Variants in DCC observed in about 807,000 individuals in gnomAD.
The protein encoded by DCC is DCC netrin 1 receptor, also known as netrin receptor DCC.
In DCC, 58 loss-of-function variants were observed where a neutral mutation model predicts 172.5. The ratio of observed to expected loss-of-function variants is 0.34; its 90% CI spans 0.27 to 0.42. The LOEUF is 0.42. Ranked by LOEUF, DCC falls within the 10% of genes least tolerant of loss-of-function variation. The probability of loss-of-function intolerance (pLI) is 1.00; values close to 1 mark genes in which losing one functional copy is unlikely to be tolerated. For synonymous variants in DCC, 709 were observed against 644.5 expected (o/e 1.10, Z -1.52); for missense variants, 1,740 against 1,791.0 (o/e 0.97, Z 0.51).
intron 13 of DCC, among the ~76,000 whole-genome samples, chr18:53,320,749 T>G (rs981870351): frequency 6.6e-6 from 1 of 152,194 alleles, no homozygotes; most frequent in Non-Finnish European, 1.5e-5. Context: ...TATTGTTTTG[T>G]GTGTGCATCT....
chr18:52,423,512 G>A (rs1987321307), intron 1 of DCC, among the ~76,000 whole-genome samples: 1 of 151,506 alleles, frequency 6.6e-6, no homozygotes, highest in African/African-American at 2.4e-5. Flanking sequence ...GAACACAGAA[G>A]ATGAAGTGGC....
intron 7 of DCC, among the ~76,000 whole-genome samples, chr18:53,093,795 C>G (rs894217875): frequency 6.6e-6 from 1 of 152,108 alleles, no homozygotes; most frequent in South Asian, 2.1e-4. Context: ...AGCGCAGACA[C>G]TAAAGAGCTT....
At chr18:52,451,581 T>G (rs929426121) in intron 1 of DCC, among the ~76,000 whole-genome samples, 2 of 152,232 alleles carry the variant, frequency 1.3e-5, no homozygotes, top group Non-Finnish European at 2.9e-5. Context: ...GGACATAGTT[T>G]ATAATCCACT....
At chr18:52,769,075 C>T (rs1230702893) in intron 2 of DCC, among the ~76,000 whole-genome samples, 1 of 152,098 alleles carries the variant, frequency 6.6e-6, no homozygotes, top group Non-Finnish European at 1.5e-5. Flanking sequence ...CAGGAGAATC[C>T]TAGAAAATCA....
intron 12 of DCC, among the ~76,000 whole-genome samples, chr18:53,275,857 T>C (rs2056800190): frequency 6.6e-6 from 1 of 152,102 alleles, no homozygotes; most frequent in Non-Finnish European, 1.5e-5. Context: ...TTTTCTGCCT[T>C]TATATTATAT....
intron 1 of DCC, among the ~76,000 whole-genome samples, chr18:52,645,024 T>C (rs2034992593): frequency 6.6e-6 from 1 of 151,994 alleles, no homozygotes; most frequent in Non-Finnish European, 1.5e-5. Flanking sequence ...GGGAAGTGTG[T>C]TTTTGTTGCT....
intron 5 of DCC, among the ~76,000 whole-genome samples, chr18:53,009,032 T>A (rs1425389997): frequency 6.6e-6 from 1 of 151,932 alleles, no homozygotes; most frequent in African/African-American, 2.4e-5. Context: ...GAGAGTAGAA[T>A]ACTCTAATCA....
At chr18:52,505,639 A>C (rs142266149) in intron 1 of DCC, among the ~76,000 whole-genome samples, 7 of 152,322 alleles carry the variant, frequency 4.6e-5, no homozygotes, top group East Asian at 1.9e-4. Flanking sequence ...AAACTGGTAG[A>C]ATCTGCCCTT....
intron 1 of DCC, among the ~76,000 whole-genome samples, chr18:52,727,609 C>T (rs896403597): frequency 6.6e-6 from 1 of 151,880 alleles, no homozygotes; most frequent in Non-Finnish European, 1.5e-5. Flanking sequence ...CCCATAGATA[C>T]TTCTATTTAT....
intron 15 of DCC, among the ~76,000 whole-genome samples, chr18:53,384,269 A>ATGTAGAGT (rs1907977035): frequency 6.6e-6 from 1 of 152,200 alleles, no homozygotes. Context: ...TATGTTGAGT[A>ATGTAGAGT]TCTAAAGTTA....
chr18:53,310,015 G>T (rs1762710203), intron 13 of DCC, among the ~76,000 whole-genome samples: 1 of 147,524 alleles, frequency 6.8e-6, no homozygotes, highest in African/African-American at 2.5e-5. Context: ...GCAATAAAAA[G>T]AGTTAATGAA....
chr18:52,620,919 G>A (rs2034467114), intron 1 of DCC, among the ~76,000 whole-genome samples: 1 of 152,176 alleles, frequency 6.6e-6, no homozygotes, highest in East Asian at 1.9e-4. Context: ...TAAATTTCAA[G>A]GTAACATTTT....
chr18:52,695,590 GT>G (rs1228987977), intron 1 of DCC, among the ~76,000 whole-genome samples: 4 of 152,164 alleles, frequency 2.6e-5, no homozygotes, highest in African/African-American at 9.7e-5. Context: ...GTCACTGGGA[GT>G]TTTTTTCCAG....
At chr18:52,847,691 G>A (rs1296359993) in intron 2 of DCC, among the ~76,000 whole-genome samples, 1 of 152,048 alleles carries the variant, frequency 6.6e-6, no homozygotes, top group Non-Finnish European at 1.5e-5. Context: ...GAAAAAGCTT[G>A]ATACATCCTC....
At chr18:53,381,104 T>G (rs146951465) in intron 15 of DCC, among the ~76,000 whole-genome samples, 7 of 52,292 alleles carry the variant, frequency 1.3e-4, no homozygotes, top group African/African-American at 3.8e-4. Flanking sequence ...GACAGTTACC[T>G]CAAATTTATG....
intron 1 of DCC, among the ~76,000 whole-genome samples, chr18:52,707,264 T>G (rs944750000): frequency 6.6e-6 from 1 of 152,192 alleles, no homozygotes; most frequent in African/African-American, 2.4e-5. Flanking sequence ...TGTATTTTGG[T>G]GCTAGATTTG....
At chr18:52,516,051 A>T (rs2031630515) in intron 1 of DCC, among the ~76,000 whole-genome samples, 1 of 152,120 alleles carries the variant, frequency 6.6e-6, no homozygotes, top group Non-Finnish European at 1.5e-5. Flanking sequence ...ACCACAATAT[A>T]ATGTCACTAC....
chr18:52,390,324 C>T (rs1397347109), intron 1 of DCC, among the ~76,000 whole-genome samples: 1 of 152,008 alleles, frequency 6.6e-6, no homozygotes, highest in East Asian at 1.9e-4. Context: ...ACATCCACAA[C>T]CTTCTCATGC....
chr18:52,817,166 A>G (rs902654772), intron 2 of DCC, among the ~76,000 whole-genome samples: 2 of 152,206 alleles, frequency 1.3e-5, no homozygotes, highest in African/African-American at 4.8e-5. Flanking sequence ...CAGAAAATCA[A>G]TATATACATA....
Sources: allele counts gnomAD v4.1 joint callset (sites outside exome capture counted in the v4.1 genomes callset), GRCh38; gene constraint gnomAD v4.1.1; transcripts MANE v1.5; gene names NCBI Gene and HGNC (gene_info 2026-07-23, HGNC 2026-07-21).